The following FRMD4A variants were observed in gnomAD, a reference collection of about 807,000 sequenced individuals.
FRMD4A encodes FERM domain-containing protein 4A.
In FRMD4A, 29 loss-of-function variants were observed where a neutral mutation model predicts 129.1. That is an observed-to-expected ratio of 0.22 (90% CI 0.17 to 0.31). The LOEUF (loss-of-function observed/expected upper bound fraction) is 0.31, where lower values mean the gene tolerates loss of function less well. Ranked by LOEUF, FRMD4A falls within the 10% of genes least tolerant of loss-of-function variation. FRMD4A has a pLI of 1.00. For synonymous variants in FRMD4A, 634 were observed against 571.6 expected, an observed-to-expected ratio of 1.11 and a Z score of -1.56; for missense variants, 1,272 against 1,375.8, an observed-to-expected ratio of 0.92 and a Z score of 1.19.
intron 3 of FRMD4A, among the ~76,000 whole-genome samples, chr10:13,825,713 A>T (rs2130920664): frequency 6.6e-6 from 1 of 152,340 alleles, no homozygotes; most frequent in African/African-American, 2.4e-5. Context: ...GCAGGACAGC[A>T]TGAGATCTCC....
chr10:13,878,357 T>G (rs544801158), intron 2 of FRMD4A, among the ~76,000 whole-genome samples: 3 of 152,328 alleles, frequency 2.0e-5, no homozygotes, highest in South Asian at 4.1e-4. Context: ...CTTTGCACTT[T>G]CCTGGTTTAA....
intron 2 of FRMD4A, among the ~76,000 whole-genome samples, chr10:14,206,820 A>AAAAAAAAAAAAAAG (rs1429238276): frequency 2.8e-4 from 36 of 127,484 alleles, no homozygotes; most frequent in Admixed American, 8.1e-4. Context: ...AAAAAAAAAA[A>AAAAAAAAAAAAAAG]AGAGAGACAG....
At chr10:13,947,933 T>C (rs2095344012) in intron 2 of FRMD4A, among the ~76,000 whole-genome samples, 1 of 152,158 alleles carries the variant, frequency 6.6e-6, no homozygotes, top group South Asian at 2.1e-4. Context: ...GCATAGTGGC[T>C]CATGCCTGTA....
intron 2 of FRMD4A, among the ~76,000 whole-genome samples, chr10:13,921,980 G>A (rs2131260804): frequency 6.6e-6 from 1 of 152,302 alleles, no homozygotes; most frequent in Non-Finnish European, 1.5e-5. Flanking sequence ...GCGATTAGGT[G>A]TAGATGAGTT....
intron 12 of FRMD4A, among the ~76,000 whole-genome samples, chr10:13,718,232 G>C (rs56068664): frequency 6.6e-6 from 1 of 152,280 alleles, no homozygotes; most frequent in African/African-American, 2.4e-5. Context: ...GAAGGTGCCA[G>C]GGAGTGAGGC....
intron 2 of FRMD4A, among the ~76,000 whole-genome samples, chr10:14,215,727 A>T (rs1843054274): frequency 6.6e-6 from 1 of 152,150 alleles, no homozygotes; most frequent in East Asian, 1.9e-4. Context: ...TAGAGAGAAT[A>T]GTGCCGGCAT....
intron 2 of FRMD4A, among the ~76,000 whole-genome samples, chr10:13,974,827 CT>C (rs1426486310): frequency 6.6e-6 from 1 of 152,228 alleles, no homozygotes; most frequent in Non-Finnish European, 1.5e-5. Context: ...GCACCTGGCT[CT>C]GCCCTAGCCT....
chr10:14,199,282 TTTTATTTATTTATTTATTTA>T lies in FRMD4A; in HGVS notation c.45+130756_45+130775del, dbSNP rs3034001. 5.0e-4 allele frequency among the ~76,000 whole-genome samples: 65 copies of T among 131,060 alleles called. 1 individual carries two copies. The highest frequency in any genetic ancestry group is 3.5e-3 in the East Asian group (15 of 4,336). 86.0% of individuals were successfully genotyped at this position (131,060 alleles called of 152,430 possible). ...TACTGCTTGATTTTTAAGTGTCTTATTTTATTTATTTATTTATTTATTTATTTATTTATTTATTTATTTAT... is the reference window on the plus strand; with the variant it reads ...TACTGCTTGATTTTTAAGTGTCTTATTTTATTTATTTATTTATTTATTTAT... On this transcript the variant is annotated intron_variant, in intron 2 of 24. Coordinates refer to ENST00000357447, the MANE Select transcript of FRMD4A (RefSeq NM_018027.5).
intron 2 of FRMD4A, among the ~76,000 whole-genome samples, chr10:14,203,644 C>T (rs1023574268): frequency 2.6e-5 from 4 of 152,212 alleles, no homozygotes; most frequent in Non-Finnish European, 4.4e-5. Flanking sequence ...GCGCTTCCCA[C>T]GGGGGTCACC....
intron 2 of FRMD4A, among the ~76,000 whole-genome samples, chr10:14,096,606 A>G (rs1277073190): frequency 1.3e-5 from 2 of 152,200 alleles, no homozygotes; most frequent in Non-Finnish European, 1.5e-5. Context: ...AAAGTTACAA[A>G]ACATAAATCA....
intron 2 of FRMD4A, among the ~76,000 whole-genome samples, chr10:14,062,158 G>T (rs1479078400): frequency 1.3e-5 from 2 of 152,160 alleles, no homozygotes; most frequent in Admixed American, 6.5e-5. Flanking sequence ...CCTTCAAAAA[G>T]AAGTTGGTTA....
intron 2 of FRMD4A, among the ~76,000 whole-genome samples, chr10:14,303,174 T>C (rs962374988): frequency 1.3e-5 from 2 of 152,176 alleles, no homozygotes; most frequent in African/African-American, 4.8e-5. Flanking sequence ...TATTGGCAAT[T>C]TTTAGAAAGC....
chr10:13,884,044 T>C (rs1373519101), intron 2 of FRMD4A, among the ~76,000 whole-genome samples: 1 of 151,944 alleles, frequency 6.6e-6, no homozygotes, highest in African/African-American at 2.4e-5. Flanking sequence ...CTTCTCGAAC[T>C]ACAAGGAAAC....
intron 3 of FRMD4A, among the ~76,000 whole-genome samples, chr10:13,826,756 G>C (rs1259938416): frequency 2.0e-5 from 3 of 152,100 alleles, no homozygotes; most frequent in Non-Finnish European, 4.4e-5. Context: ...TAATGAAAAA[G>C]TACAGTACCG....
intron 2 of FRMD4A, among the ~76,000 whole-genome samples, chr10:13,962,038 CGAATGAATGAATGAAT>C (rs57314404): frequency 1.0e-4 from 13 of 128,518 alleles, no homozygotes; most frequent in South Asian, 4.9e-4. Flanking sequence ...CAAAAACACA[CGAATGAATGAATGAAT>C]GAATGAATGA....
chr10:14,213,820 G>A (rs527884724), intron 2 of FRMD4A, among the ~76,000 whole-genome samples: 5 of 152,308 alleles, frequency 3.3e-5, no homozygotes, highest in East Asian at 1.9e-4. Context: ...ATTGAATCAT[G>A]GGGGTGGTTT....
intron 2 of FRMD4A, among the ~76,000 whole-genome samples, chr10:14,078,665 G>T (rs1439989779): frequency 6.6e-6 from 1 of 152,134 alleles, no homozygotes; most frequent in Non-Finnish European, 1.5e-5. Context: ...TCATGGTGGG[G>T]GGTATGACCA....
intron 15 of FRMD4A, chr10:13,684,991 T>C (rs2084943749): frequency 1.0e-6 from 1 of 983,660 alleles, no homozygotes. Context: ...TTCTTCTTTA[T>C]GATAAAAAGA....
intron 2 of FRMD4A, among the ~76,000 whole-genome samples, chr10:13,964,941 C>G (rs559035853): frequency 1.3e-5 from 2 of 152,222 alleles, no homozygotes; most frequent in East Asian, 3.9e-4. Context: ...GCCTCTGCCT[C>G]CCAAAGTGCT....
Sources: gnomAD v4.1 joint callset for allele counts (sites outside exome capture counted in the v4.1 genomes callset) on GRCh38, gnomAD v4.1.1 for gene constraint, MANE v1.5 for transcripts, NCBI Gene and HGNC (gene_info 2026-07-23, HGNC 2026-07-21) for gene names.